DDR2: variants seen among roughly 807,000 people sequenced by gnomAD.
DDR2 encodes the protein discoidin domain-containing receptor 2.
In DDR2, 27 loss-of-function variants were observed where a neutral mutation model predicts 94.9. The ratio of observed to expected loss-of-function variants is 0.28; its 90% confidence interval spans 0.21 to 0.39. The LOEUF (loss-of-function observed/expected upper bound fraction) is 0.39, where lower values mean the gene tolerates loss of function less well. Among genes scored for constraint, DDR2 ranks in the 10% least tolerant of loss-of-function variants. The pLI, the probability that DDR2 is intolerant of heterozygous loss-of-function variation, is 1.00. For missense variants in DDR2, 783 were observed against 1,076.0 expected (o/e 0.73, Z 3.81); for synonymous variants, 382 against 377.2 (o/e 1.01, Z -0.15).
intron 3 of DDR2, among the ~76,000 whole-genome samples, chr1:162,734,286 A>G (rs1046869586): frequency 1.1e-4 from 16 of 152,156 alleles, no homozygotes; most frequent in Admixed American, 9.8e-4. Context: ...CCTTGACCAA[A>G]CTCCCAGGAC....
intron 3 of DDR2, among the ~76,000 whole-genome samples, chr1:162,735,902 A>T (rs1398891287): frequency 1.3e-5 from 2 of 152,228 alleles, no homozygotes; most frequent in Non-Finnish European, 1.5e-5. Context: ...TGTGACCCAC[A>T]TTCCCTATTT....
At chr1:162,633,858 C>T (rs1188635517) in intron 1 of DDR2, among the ~76,000 whole-genome samples, 1 of 152,190 alleles carries the variant, frequency 6.6e-6, no homozygotes, top group East Asian at 1.9e-4. Flanking sequence ...ATAATTCATG[C>T]TCAGAGCTCT....
At chr1:162,743,318 A>G (rs913675886) in intron 3 of DDR2, among the ~76,000 whole-genome samples, 2 of 152,016 alleles carry the variant, frequency 1.3e-5, no homozygotes, top group African/African-American at 4.8e-5. Context: ...TAGGGAAGGT[A>G]GTTCTGCTGT....
At chr1:162,750,730 A>G (rs1663145723) in intron 3 of DDR2, among the ~76,000 whole-genome samples, 1 of 152,210 alleles carries the variant, frequency 6.6e-6, no homozygotes, top group Non-Finnish European at 1.5e-5. Context: ...GCATCACACT[A>G]CTTGACTTCA....
In DDR2 at chr1:162,696,296, G is replaced by A. The variant is rs562226281; in HGVS notation, c.-27-22741G>A. Among the ~76,000 whole-genome samples, 27 of 151,664 alleles carry A rather than the reference G, an allele frequency of 1.8e-4. 2 individuals carry two copies. The South Asian group carries it at 3.8e-3, about 21-fold the overall frequency. ...AGGATCGTCTCTAAATTGTGAGTGT[G>A]GTGAGTGTGCATGCTCTGAGCAAAA... On this transcript the variant is annotated intron_variant, in intron 2 of 17. Transcript: ENST00000367921.
intron 1 of DDR2, among the ~76,000 whole-genome samples, chr1:162,645,466 G>C (rs919384457): frequency 1.3e-5 from 2 of 152,102 alleles, no homozygotes; most frequent in Non-Finnish European, 2.9e-5. Context: ...GAGAGAAAAA[G>C]AAATCAAATA....
intron 2 of DDR2, among the ~76,000 whole-genome samples, chr1:162,694,255 C>T (rs537336321): frequency 2.6e-5 from 4 of 152,218 alleles, no homozygotes; most frequent in South Asian, 2.1e-4. Flanking sequence ...CTGCTTTGCT[C>T]TCAGAGTAAA....
At chr1:162,647,132 C>T (rs968769660) in intron 1 of DDR2, among the ~76,000 whole-genome samples, 1 of 152,122 alleles carries the variant, frequency 6.6e-6, no homozygotes, top group Non-Finnish European at 1.5e-5. Flanking sequence ...ACTCTCCTTC[C>T]TGGAGGCCAA....
At chr1:162,718,637 A>C (rs1437662553) in intron 2 of DDR2, among the ~76,000 whole-genome samples, 4 of 152,212 alleles carry the variant, frequency 2.6e-5, no homozygotes, top group Non-Finnish European at 5.9e-5. Flanking sequence ...TTTGAAAGGC[A>C]AACATTAAAA....
At chr1:162,732,583 TG>T (rs1662107693) in intron 3 of DDR2, among the ~76,000 whole-genome samples, 1 of 152,230 alleles carries the variant, frequency 6.6e-6, no homozygotes, top group Non-Finnish European at 1.5e-5. Context: ...TTCTTAAATT[TG>T]CTTCTGGGCT....
intron 16 of DDR2, 50 bp downstream of exon 16, chr1:162,776,420 C>T: frequency 1.9e-6 from 3 of 1,582,508 alleles, no homozygotes; most frequent in Middle Eastern, 1.7e-4. Context: ...CTTGTGGGCT[C>T]ACATGCATGA....
intron 3 of DDR2, among the ~76,000 whole-genome samples, chr1:162,740,537 C>T (rs931571252): frequency 1.3e-5 from 2 of 152,206 alleles, no homozygotes; most frequent in African/African-American, 2.4e-5. Context: ...ACTCAGGTCT[C>T]TGCTCCGAGT....
At chr1:162,738,024 G>A (rs1662401362) in intron 3 of DDR2, among the ~76,000 whole-genome samples, 2 of 151,842 alleles carry the variant, frequency 1.3e-5, no homozygotes, top group African/African-American at 2.4e-5. Context: ...AAAACTGGAA[G>A]CATTCCCTTT....
intron 2 of DDR2, among the ~76,000 whole-genome samples, chr1:162,670,002 C>A (rs1658755014): frequency 6.6e-6 from 1 of 151,952 alleles, no homozygotes; most frequent in South Asian, 2.1e-4. Context: ...CAACTAATAA[C>A]ACGTTTTTAA....
chr1:162,737,973 G>T (rs1472040178), intron 3 of DDR2, among the ~76,000 whole-genome samples: 1 of 151,908 alleles, frequency 6.6e-6, no homozygotes, highest in Non-Finnish European at 1.5e-5. Flanking sequence ...AGAAGTGTCC[G>T]TTCATGACAA....
chr1:162,675,855 C>G lies in DDR2; in HGVS notation c.-28+20481C>G, dbSNP rs75191123. ...TCATGAGCACAGACAGGAAGGGTAA[C>G]TGAACATTTTGAGAGAGCTGAAAGT... On this transcript the variant is annotated intron_variant, in intron 2 of 17. Coordinates refer to ENST00000367921, the MANE Select transcript of DDR2 (RefSeq NM_006182.4). Among the ~76,000 whole-genome samples the G allele has an allele frequency of 2.4e-3, 358 of 152,236 alleles. 6 individuals carry two copies. In the East Asian group the frequency reaches 0.039, roughly 17 times the overall value.
intron 2 of DDR2, among the ~76,000 whole-genome samples, chr1:162,671,893 T>A (rs1196695179): frequency 1.3e-5 from 2 of 152,226 alleles, no homozygotes; most frequent in Non-Finnish European, 2.9e-5. Flanking sequence ...TACCTACCAG[T>A]CACTCAGCCC....
intron 3 of DDR2, among the ~76,000 whole-genome samples, chr1:162,727,090 T>C (rs1661710929): frequency 6.9e-6 from 1 of 145,540 alleles, no homozygotes. Context: ...TTAATATTAT[T>C]AATACATTAA....
intron 1 of DDR2, among the ~76,000 whole-genome samples, chr1:162,642,425 A>G (rs12129031): frequency 0.044 from 6,469 of 147,884 alleles, 197 homozygotes; most frequent in South Asian, 0.12. Flanking sequence ...GGCATGCGTC[A>G]CCATGCCCGG....
Sources: allele counts gnomAD v4.1 joint callset (sites outside exome capture counted in the v4.1 genomes callset), GRCh38; gene constraint gnomAD v4.1.1; transcripts MANE v1.5; gene names NCBI Gene and HGNC (gene_info 2026-07-23, HGNC 2026-07-21).